The following ELF1 variants were observed in gnomAD, a reference collection of about 807,000 sequenced individuals.
The protein encoded by ELF1 is ETS-related transcription factor Elf-1.
A neutral mutation model predicts 59.9 loss-of-function variants in ELF1; 24 were observed. The observed-to-expected ratio is 0.40, with a 90% CI of 0.29 to 0.56. The LOEUF is 0.56. Ranked by LOEUF, ELF1 falls within the 20% of genes least tolerant of loss-of-function variation. The pLI, the probability that ELF1 is intolerant of heterozygous loss-of-function variation, is 0.44. For synonymous variants in ELF1, 248 were observed against 266.2 expected (o/e 0.93, Z 0.67); for missense variants, 627 against 742.2 (o/e 0.84, Z 1.80).
intron 1 of ELF1, among the ~76,000 whole-genome samples, chr13:41,015,674 C>A (rs992324374): frequency 5.3e-5 from 8 of 152,058 alleles, no homozygotes; most frequent in African/African-American, 1.7e-4. Flanking sequence ...CTTTGTTACA[C>A]CAAAGGTTGA....
intron 1 of ELF1, among the ~76,000 whole-genome samples, chr13:41,034,383 C>T (rs1876290205): frequency 1.3e-5 from 2 of 152,196 alleles, no homozygotes; most frequent in South Asian, 2.1e-4. Context: ...CTGCATAAGA[C>T]GTTAACATCA....
Position 40,933,370 on chromosome 13 carries a change from T to C in ELF1, c.*55A>G. ...TTATCTTAGAATCAGTCAGTCTGCATATAATTGAAAATGTTCAATTAACAA... is the reference window on the plus strand; with the variant it reads ...TTATCTTAGAATCAGTCAGTCTGCACATAATTGAAAATGTTCAATTAACAA... On this transcript the variant is annotated 3_prime_UTR_variant, in exon 9 of 9. Coordinates refer to ENST00000239882, the MANE Select transcript of ELF1 (RefSeq NM_172373.4). 1.3e-6 allele frequency: 2 copies of C among 1,551,070 alleles called. No individual in the cohort carries two copies. Among genetic ancestry groups the C allele is most frequent in the South Asian group, 1.2e-5 (1 of 80,340 alleles).
At chr13:41,047,908 A>T (rs1035316797) in intron 1 of ELF1, among the ~76,000 whole-genome samples, 1 of 152,172 alleles carries the variant, frequency 6.6e-6, no homozygotes, top group Non-Finnish European at 1.5e-5. Flanking sequence ...GGCCTCCTTG[A>T]GCTGCAATGG....
At chr13:40,970,507 A>C (rs1406483582) in intron 2 of ELF1, among the ~76,000 whole-genome samples, 1 of 152,258 alleles carries the variant, frequency 6.6e-6, no homozygotes, top group Admixed American at 6.5e-5. Flanking sequence ...AAAGAGCTGT[A>C]CAAGATGTTA....
At chr13:41,039,449 C>T (rs897015793) in intron 1 of ELF1, among the ~76,000 whole-genome samples, 15 of 150,398 alleles carry the variant, frequency 1.0e-4, no homozygotes, top group Non-Finnish European at 1.6e-4. Flanking sequence ...ACTTAAAAAA[C>T]GAAAACTAGA....
intron 1 of ELF1, 81 bp from the exon 2 acceptor site, chr13:40,982,363 G>A (rs947113967): frequency 1.0e-4 from 97 of 953,766 alleles, no homozygotes; most frequent in Admixed American, 6.1e-4. Context: ...GGGCAGTATC[G>A]CTAAAGCATT....
At chr13:40,979,923 G>A (rs554081723) in intron 2 of ELF1, among the ~76,000 whole-genome samples, 1 of 152,162 alleles carries the variant, frequency 6.6e-6, no homozygotes, top group East Asian at 1.9e-4. Context: ...TAATACAAAT[G>A]GCACGTTATT....
intron 1 of ELF1, among the ~76,000 whole-genome samples, chr13:41,041,069 TAA>T (rs1413507710): frequency 6.6e-6 from 1 of 152,038 alleles, no homozygotes; most frequent in Non-Finnish European, 1.5e-5. Flanking sequence ...GCCAGTCATG[TAA>T]AGAGGCTGAG....
chr13:41,009,988 C>T (rs1017751444), intron 1 of ELF1, among the ~76,000 whole-genome samples: 10 of 150,418 alleles, frequency 6.6e-5, no homozygotes, highest in African/African-American at 2.4e-4. Flanking sequence ...ATGTTTTTTA[C>T]TTACAGGATA....
chr13:41,052,326 A>C (rs896619778), intron 1 of ELF1, among the ~76,000 whole-genome samples: 2 of 152,218 alleles, frequency 1.3e-5, no homozygotes, highest in Non-Finnish European at 2.9e-5. Context: ...ATCCTGAAAT[A>C]GTAACCATTA....
intron 1 of ELF1, among the ~76,000 whole-genome samples, chr13:41,036,636 T>C (rs1020724357): frequency 6.6e-5 from 10 of 152,186 alleles, no homozygotes; most frequent in African/African-American, 2.4e-4. Flanking sequence ...ATCATGCTGC[T>C]ATGAAGACGC....
At chr13:41,007,999 A>G (rs1874849845) in intron 1 of ELF1, among the ~76,000 whole-genome samples, 1 of 152,186 alleles carries the variant, frequency 6.6e-6, no homozygotes, top group Non-Finnish European at 1.5e-5. Flanking sequence ...TCAAGCCATG[A>G]GTCTACTCCT....
At chr13:40,949,072 A>T (rs1870681404) in intron 5 of ELF1, among the ~76,000 whole-genome samples, 1 of 151,988 alleles carries the variant, frequency 6.6e-6, no homozygotes, top group Admixed American at 6.6e-5. Context: ...TGTAACCTCC[A>T]CTTCCTGGGT....
intron 1 of ELF1, among the ~76,000 whole-genome samples, chr13:41,043,923 T>C (rs1876731145): frequency 6.6e-6 from 1 of 152,228 alleles, no homozygotes; most frequent in Admixed American, 6.5e-5. Context: ...ATTCTGCCTA[T>C]CCATGAGCAT....
chr13:41,033,547 G>T (rs1876255441), intron 1 of ELF1, among the ~76,000 whole-genome samples: 1 of 152,112 alleles, frequency 6.6e-6, no homozygotes, highest in Non-Finnish European at 1.5e-5. Flanking sequence ...ATACTGCAGG[G>T]GTCCTCAACC....
chr13:41,000,843 T>C (rs1025978993), intron 1 of ELF1, among the ~76,000 whole-genome samples: 11 of 150,468 alleles, frequency 7.3e-5, no homozygotes, highest in African/African-American at 2.7e-4. Flanking sequence ...ATCTGACACG[T>C]CCTCAAGGAG....
chr13:41,001,287 T>A (rs9566650), intron 1 of ELF1, among the ~76,000 whole-genome samples: 23,423 of 151,888 alleles, frequency 0.15, 2,218 homozygotes, highest in East Asian at 0.33. Context: ...CATTTTTTTT[T>A]AATTATTATT....
intron 1 of ELF1, among the ~76,000 whole-genome samples, chr13:41,045,885 G>A (rs1876822545): frequency 6.6e-6 from 1 of 152,148 alleles, no homozygotes; most frequent in African/African-American, 2.4e-5. Flanking sequence ...ACAGTGGGGT[G>A]CTAAAGTCTC....
intron 1 of ELF1, among the ~76,000 whole-genome samples, chr13:41,018,371 C>A (rs927577802): frequency 6.6e-6 from 1 of 152,098 alleles, no homozygotes; most frequent in East Asian, 1.9e-4. Context: ...TAATTCAAGG[C>A]AGGCAAATTT....
Sources: gnomAD v4.1 joint callset for allele counts (sites outside exome capture counted in the v4.1 genomes callset) on GRCh38, gnomAD v4.1.1 for gene constraint, MANE v1.5 for transcripts, NCBI Gene and HGNC (gene_info 2026-07-23, HGNC 2026-07-21) for gene names.